Variants in SNTG1 observed in about 807,000 individuals in gnomAD.
SNTG1 encodes syntrophin gamma 1, also known as gamma-1-syntrophin.
SNTG1 carries 39 observed loss-of-function variants against 74.7 expected under a neutral mutation model. The observed-to-expected ratio is 0.52, with a 90% CI of 0.40 to 0.68. SNTG1 has a LOEUF of 0.68. SNTG1 is among the 30% of genes least tolerant of loss of function. SNTG1 has a pLI of 0.00. For missense variants in SNTG1, 685 were observed against 609.5 expected (o/e 1.12, Z -1.30); for synonymous variants, 254 against 217.1 (o/e 1.17, Z -1.49).
chr8:49,932,067 T>C (rs1807644419), intron 1 of SNTG1, among the ~76,000 whole-genome samples: 1 of 152,136 alleles, frequency 6.6e-6, no homozygotes, highest in Non-Finnish European at 1.5e-5. Flanking sequence ...AATTGAAGCA[T>C]TAAAACAGGA....
At chr8:50,292,591 A>G (rs2089169987) in intron 2 of SNTG1, among the ~76,000 whole-genome samples, 1 of 152,096 alleles carries the variant, frequency 6.6e-6, no homozygotes, top group Non-Finnish European at 1.5e-5. Flanking sequence ...GATGGTCACT[A>G]TGGAAAGAGA....
intron 1 of SNTG1, among the ~76,000 whole-genome samples, chr8:49,951,873 C>CAAAAAAAAA (rs5891338): frequency 6.9e-4 from 39 of 56,298 alleles, no homozygotes; most frequent in East Asian, 1.9e-3. Flanking sequence ...GGAAAATTCA[C>CAAAAAAAAA]AAAAAAAAAA....
At chr8:50,518,182 T>A (rs2130102054) in intron 9 of SNTG1, among the ~76,000 whole-genome samples, 1 of 152,058 alleles carries the variant, frequency 6.6e-6, no homozygotes, top group South Asian at 2.1e-4. Flanking sequence ...ACATGGAAAA[T>A]GAACAAGCTG....
At chr8:50,375,787 C>A (rs540930442) in intron 2 of SNTG1, among the ~76,000 whole-genome samples, 8 of 152,074 alleles carry the variant, frequency 5.3e-5, no homozygotes. Context: ...GAAAAACAAA[C>A]AGAAGTTTAT....
At position 50,553,041 on chromosome 8, in the gene SNTG1, C is replaced by T; in HGVS notation, c.681-9C>T. 3 of 1,613,628 alleles carry T rather than the reference C, an allele frequency of 1.9e-6. No homozygotes were observed. Among genetic ancestry groups the T allele is most frequent in the East Asian group, 2.2e-5 (1 of 44,852 alleles). Reference sequence around the variant, plus strand: ...AGGTTTTGATCTGATTTGTTCTGAACATCTGCAGGCAGAATGCCTTTCAAG... The same window carrying T: ...AGGTTTTGATCTGATTTGTTCTGAATATCTGCAGGCAGAATGCCTTTCAAG... On this transcript the variant is annotated splice_polypyrimidine_tract_variant and intron_variant, in intron 11 of 18. Coordinates refer to ENST00000642720, the MANE Select transcript of SNTG1 (RefSeq NM_018967.5).
intron 8 of SNTG1, among the ~76,000 whole-genome samples, chr8:50,484,157 C>CTTCT (rs1563453703): frequency 3.6e-5 from 1 of 27,976 alleles, no homozygotes; most frequent in Non-Finnish European, 1.3e-4. Context: ...TCTTTCCTTC[C>CTTCT]TTCCTTCCTT....
rs144570862 is a variant in SNTG1, at chr8:49,969,253, A to C, written c.-103+57022A>C. 5.3e-3 allele frequency among the ~76,000 whole-genome samples: 811 copies of C among 152,186 alleles called. 11 individuals carry two copies. The highest frequency in any genetic ancestry group is 0.018 in the African/African-American group (767 of 41,494). ...TCTTTTAATTATTTATGAGTCTTTA[A>C]TAATTCAGAGAGAGGCATTAATGCG... is the stretch of plus-strand genomic sequence containing the variant. On this transcript the variant is annotated intron_variant, in intron 1 of 18. Coordinates refer to ENST00000642720, the MANE Select transcript of SNTG1 (RefSeq NM_018967.5).
At chr8:50,450,421 G>T (rs1318020375) in intron 6 of SNTG1, 135 bp from the exon 7 acceptor site, 15 of 852,086 alleles carry the variant, frequency 1.8e-5, no homozygotes, top group Admixed American at 2.7e-5. Flanking sequence ...ATTTTTTGTG[G>T]ATCTTTTAAG....
At chr8:50,442,891 T>C (rs567006709) in intron 5 of SNTG1, among the ~76,000 whole-genome samples, 2 of 152,302 alleles carry the variant, frequency 1.3e-5, no homozygotes, top group African/African-American at 2.4e-5. Context: ...ATCCTGCACA[T>C]GGCCTCGGGC....
At chr8:50,495,655 G>A (rs570207562) in intron 8 of SNTG1, among the ~76,000 whole-genome samples, 1 of 152,196 alleles carries the variant, frequency 6.6e-6, no homozygotes, top group East Asian at 1.9e-4. Context: ...AACAGCTCTT[G>A]TGAATATTAC....
intron 17 of SNTG1, among the ~76,000 whole-genome samples, chr8:50,742,291 T>C (rs1388999865): frequency 2.6e-5 from 4 of 152,004 alleles, no homozygotes; most frequent in African/African-American, 7.2e-5. Flanking sequence ...TACGTCATGA[T>C]AGATTTTAAA....
At chr8:50,328,955 G>A (rs1285029934) in intron 2 of SNTG1, among the ~76,000 whole-genome samples, 1 of 152,160 alleles carries the variant, frequency 6.6e-6, no homozygotes, top group Non-Finnish European at 1.5e-5. Context: ...CACAATGTGG[G>A]TGTAAGCATT....
intron 4 of SNTG1, among the ~76,000 whole-genome samples, chr8:50,433,594 T>C (rs569282946): frequency 6.6e-6 from 1 of 152,248 alleles, no homozygotes; most frequent in South Asian, 2.1e-4. Flanking sequence ...TTGGTCAAGT[T>C]AATTTCACTC....
rs1016763870 is a variant in SNTG1 at position 50,795,292 on chromosome 8, G to A, written c.*2463G>A. The A allele has an allele frequency of 5.9e-5, 9 of 151,830 alleles. No homozygotes were observed. The highest frequency in any genetic ancestry group is 1.3e-4 in the Admixed American group (2 of 15,206). 9.4% of individuals were successfully genotyped at this position (151,830 alleles called of 1,614,324 possible). A position where few individuals can be genotyped will look rare whatever the true frequency, so the allele number is the denominator to read the frequency against. On this transcript the variant is annotated 3_prime_UTR_variant, in exon 19 of 19. Coordinates refer to ENST00000642720, the MANE Select transcript of SNTG1 (RefSeq NM_018967.5). ...CAAAAAGTAACAAAATACTATTCTC[G>A]TTTTCATCAGTTTAACAATTAGTAT...
intron 8 of SNTG1, among the ~76,000 whole-genome samples, chr8:50,473,942 G>T (rs2093674127): frequency 1.3e-5 from 2 of 152,082 alleles, no homozygotes; most frequent in Admixed American, 1.3e-4. Flanking sequence ...TATTGTTTTA[G>T]GGGTATAGAA....
intron 1 of SNTG1, among the ~76,000 whole-genome samples, chr8:50,053,834 A>C (rs1226571623): frequency 1.3e-5 from 2 of 151,898 alleles, no homozygotes; most frequent in East Asian, 3.9e-4. Flanking sequence ...TGTGAGCTAA[A>C]CTTCATTTTT....
intron 1 of SNTG1, among the ~76,000 whole-genome samples, chr8:49,998,818 A>G (rs1404057386): frequency 6.6e-6 from 1 of 152,106 alleles, no homozygotes; most frequent in Non-Finnish European, 1.5e-5. Flanking sequence ...TTTTTTGTAT[A>G]TGTAGAAGTA....
At chr8:50,700,649 G>C (rs1243217290) in intron 15 of SNTG1, among the ~76,000 whole-genome samples, 1 of 152,016 alleles carries the variant, frequency 6.6e-6, no homozygotes, top group Non-Finnish European at 1.5e-5. Context: ...AGTCCTTGAT[G>C]GTACTACAGT....
rs1281533612 is a variant in SNTG1, at chr8:50,265,895, CAT to C, written c.-28+93264_-28+93265del. On this transcript the variant is annotated intron_variant, in intron 2 of 18. Transcript: ENST00000642720. ...TAAATTTCATGAAAGTGGTATAAAA[CAT>C]ATACAGTGAAAACTAGAAAAAAATT... Among the ~76,000 whole-genome samples the C allele has an allele frequency of 1.3e-5, 2 of 151,664 alleles. 1 individual carries two copies. The highest frequency in any genetic ancestry group is 4.8e-5 in the African/African-American group (2 of 41,338).
Sources: gnomAD v4.1 joint callset for allele counts (sites outside exome capture counted in the v4.1 genomes callset) on GRCh38, gnomAD v4.1.1 for gene constraint, MANE v1.5 for transcripts, NCBI Gene and HGNC (gene_info 2026-07-23, HGNC 2026-07-21) for gene names.